TENM2: variants seen among roughly 807,000 people sequenced by gnomAD.
TENM2 encodes the protein teneurin-2.
In TENM2, 52 loss-of-function variants were observed where a neutral mutation model predicts 245.2. The ratio of observed to expected loss-of-function variants is 0.21; its 90% CI spans 0.17 to 0.27. TENM2 has a LOEUF of 0.27. Ranked by LOEUF, TENM2 falls within the 10% of genes least tolerant of loss-of-function variation. The pLI is 1.00. For missense variants in TENM2, 3,046 were observed against 3,666.8 expected (o/e 0.83, Z 4.37); for synonymous variants, 1,363 against 1,438.9 (o/e 0.95, Z 1.19).
intron 7 of TENM2, among the ~76,000 whole-genome samples, chr5:168,070,109 T>C (rs920797793): frequency 1.3e-5 from 2 of 152,206 alleles, no homozygotes; most frequent in African/African-American, 4.8e-5. Context: ...GTTTCATTGA[T>C]TCTAAGATGC....
chr5:167,252,200 T>A, the TENM2 span, among the ~76,000 whole-genome samples: 1 of 152,004 alleles, frequency 6.6e-6, no homozygotes, highest in African/African-American at 2.4e-5. Context: ...TAGGGAAAAA[T>A]GTCCAGAAAC....
At chr5:167,326,510 T>C (rs1335183089) in intron 1 of TENM2, among the ~76,000 whole-genome samples, 1 of 151,512 alleles carries the variant, frequency 6.6e-6, no homozygotes, top group Non-Finnish European at 1.5e-5. Flanking sequence ...CCGTCTCTAC[T>C]AAAAATTCAA....
intron 7 of TENM2, among the ~76,000 whole-genome samples, chr5:168,063,955 C>CTCCA (rs3083411): frequency 0.1 from 15,821 of 151,498 alleles, 877 homozygotes; most frequent in East Asian, 0.19. Flanking sequence ...TCAGTGAGTC[C>CTCCA]TCCATCCATC....
chr5:167,234,879 C>A, the TENM2 span, among the ~76,000 whole-genome samples: 1 of 152,098 alleles, frequency 6.6e-6, no homozygotes, highest in Non-Finnish European at 1.5e-5. Flanking sequence ...ATGCTGTTTC[C>A]TCTCTACCTT....
the TENM2 span, among the ~76,000 whole-genome samples, chr5:167,124,957 A>G: frequency 6.6e-6 from 1 of 152,164 alleles, no homozygotes; most frequent in Non-Finnish European, 1.5e-5. Context: ...GTGCTTTGAA[A>G]AATACGTTAT....
At chr5:167,603,582 G>C (rs1378906637) in intron 2 of TENM2, among the ~76,000 whole-genome samples, 1 of 152,180 alleles carries the variant, frequency 6.6e-6, no homozygotes, top group Non-Finnish European at 1.5e-5. Context: ...TCAGAAGGCA[G>C]GGGTGGGAGG....
exon 27 of TENM2, chr5:168,248,289 G>A (rs1766779172): frequency 6.2e-7 from 1 of 1,614,034 alleles, no homozygotes; most frequent in African/African-American, 1.3e-5. Context: ...ACGTGGGCAA[G>A]GAGCCGGCCC....
intron 12 of TENM2, among the ~76,000 whole-genome samples, chr5:168,128,231 C>T (rs1795994834): frequency 1.3e-5 from 2 of 152,244 alleles, no homozygotes; most frequent in Admixed American, 1.3e-4. Flanking sequence ...CCAGGTCTTG[C>T]TCCCCTGCAG....
chr5:167,344,447 G>A (rs1296103295), intron 1 of TENM2, among the ~76,000 whole-genome samples: 1 of 151,554 alleles, frequency 6.6e-6, no homozygotes, highest in Admixed American at 6.6e-5. Flanking sequence ...ACCAAGAAAT[G>A]TTGAAAAGAA....
At chr5:167,800,848 C>T (rs1765657325) in intron 2 of TENM2, among the ~76,000 whole-genome samples, 2 of 151,750 alleles carry the variant, frequency 1.3e-5, no homozygotes, top group South Asian at 4.2e-4. Context: ...GCAGAGAAAC[C>T]CCTTCAGGAA....
chr5:167,013,918 G>A, the TENM2 span, among the ~76,000 whole-genome samples: 17 of 152,116 alleles, frequency 1.1e-4, no homozygotes, highest in Non-Finnish European at 7.3e-5. Context: ...GAATGTCGAG[G>A]AGCTTCTTTT....
At chr5:167,702,571 T>TATATATAC (rs1304921708) in intron 2 of TENM2, among the ~76,000 whole-genome samples, 8 of 147,246 alleles carry the variant, frequency 5.4e-5, no homozygotes, top group Admixed American at 1.4e-4. Context: ...TATATATATA[T>TATATATAC]ACATATATAT....
intron 2 of TENM2, among the ~76,000 whole-genome samples, chr5:167,442,312 T>G (rs1007606831): frequency 6.6e-6 from 1 of 152,246 alleles, no homozygotes; most frequent in Non-Finnish European, 1.5e-5. Context: ...TTACTATTCA[T>G]ACTATTATTT....
At chr5:167,004,435 G>A in the TENM2 span, among the ~76,000 whole-genome samples, 2 of 152,052 alleles carry the variant, frequency 1.3e-5, no homozygotes, top group African/African-American at 2.4e-5. Context: ...TAGAGAAACC[G>A]TCACTTATAA....
At chr5:167,323,984 A>G (rs1203810821) in intron 1 of TENM2, among the ~76,000 whole-genome samples, 1 of 152,208 alleles carries the variant, frequency 6.6e-6, no homozygotes, top group Non-Finnish European at 1.5e-5. Flanking sequence ...TAGAGAACCT[A>G]TGGCATGATG....
At chr5:167,987,833 T>C (rs1276060006) in intron 4 of TENM2, among the ~76,000 whole-genome samples, 3 of 152,222 alleles carry the variant, frequency 2.0e-5, no homozygotes, top group Non-Finnish European at 2.9e-5. Context: ...AATCTTTCTC[T>C]TTTTGTTTGC....
At chr5:167,649,675 A>T (rs1329118416) in intron 2 of TENM2, among the ~76,000 whole-genome samples, 1 of 152,002 alleles carries the variant, frequency 6.6e-6, no homozygotes, top group Non-Finnish European at 1.5e-5. Context: ...AGTGATATGG[A>T]TGTGTTTTTG....
chr5:168,115,368 GGAA>G (rs1458120330), intron 9 of TENM2, among the ~76,000 whole-genome samples: 7 of 76,848 alleles, frequency 9.1e-5, no homozygotes, highest in Admixed American at 1.2e-4. Flanking sequence ...AGGGAAGGAA[GGAA>G]GGAAGGAAGG....
At chr5:167,820,797 C>A (rs1329535658) in intron 2 of TENM2, among the ~76,000 whole-genome samples, 2 of 152,116 alleles carry the variant, frequency 1.3e-5, no homozygotes, top group Non-Finnish European at 2.9e-5. Flanking sequence ...CTTTGCGGGA[C>A]AACTAACCCC....
Sources: allele counts gnomAD v4.1 joint callset (sites outside exome capture counted in the v4.1 genomes callset), GRCh38; gene constraint gnomAD v4.1.1; transcripts MANE v1.5; gene names NCBI Gene and HGNC (gene_info 2026-07-23, HGNC 2026-07-21).